The following NOL4 variants were observed in gnomAD, a reference collection of about 807,000 sequenced individuals.
The protein encoded by NOL4 is nucleolar protein 4.
Under a neutral mutation model 75.9 loss-of-function variants are expected in NOL4, and 17 were observed. The ratio of observed to expected loss-of-function variants is 0.22; its 90% CI spans 0.15 to 0.34. The LOEUF (loss-of-function observed/expected upper bound fraction) is 0.34, where lower values mean the gene tolerates loss of function less well. Among genes scored for constraint, NOL4 ranks in the 10% least tolerant of loss-of-function variants. The pLI is 1.00. For synonymous variants in NOL4, 292 were observed against 289.9 expected (o/e 1.01, Z -0.07); for missense variants, 614 against 793.5 (o/e 0.77, Z 2.72).
At chr18:34,111,818 T>TA (rs954286929) in intron 2 of NOL4, among the ~76,000 whole-genome samples, 2 of 151,982 alleles carry the variant, frequency 1.3e-5, no homozygotes, top group Admixed American at 6.5e-5. Context: ...ATCGCTATTA[T>TA]AAAAAAGTCA....
chr18:34,210,679 G>C (rs974007711), intron 1 of NOL4, among the ~76,000 whole-genome samples: 2 of 152,168 alleles, frequency 1.3e-5, no homozygotes, highest in Non-Finnish European at 2.9e-5. Flanking sequence ...TTTCAAGCAA[G>C]TTACAGTCTG....
chr18:33,913,237 C>T (rs1403707300), intron 9 of NOL4, among the ~76,000 whole-genome samples: 1 of 152,136 alleles, frequency 6.6e-6, no homozygotes, highest in Non-Finnish European at 1.5e-5. Context: ...TTCCCCTTCC[C>T]TCTTCATATC....
intron 6 of NOL4, among the ~76,000 whole-genome samples, chr18:33,998,433 A>G (rs1445499891): frequency 6.6e-6 from 1 of 152,016 alleles, no homozygotes; most frequent in African/African-American, 2.4e-5. Context: ...ATACCTTTTG[A>G]GGTCAGGAAT....
At chr18:34,182,567 T>G (rs2034126667) in intron 1 of NOL4, among the ~76,000 whole-genome samples, 1 of 151,708 alleles carries the variant, frequency 6.6e-6, no homozygotes, top group African/African-American at 2.4e-5. Context: ...TAAATTACAT[T>G]AATAAAAATC....
At chr18:34,093,740 T>A in intron 4 of NOL4, 143 bp from the exon 5 acceptor site, 1 of 626,970 alleles carries the variant, frequency 1.6e-6, no homozygotes, top group Non-Finnish European at 2.5e-6. Context: ...TAATAGATGT[T>A]TAAAATAGCA....
In NOL4 at chr18:34,063,818, C is replaced by T. The variant is rs369431291; in HGVS notation, c.772+29647G>A. 4.0e-5 allele frequency among the ~76,000 whole-genome samples: 6 copies of T among 151,884 alleles called. No individual in the cohort carries two copies. In the East Asian group the frequency reaches 1.2e-3, roughly 29 times the overall value. ...TAATTAATAAATATATAAACTATAT[C>T]AGTAGTATATCACTGAATATTACAT... On this transcript the variant is annotated intron_variant, in intron 5 of 10. Coordinates refer to ENST00000261592, the MANE Select transcript of NOL4 (RefSeq NM_003787.5).
At chr18:33,969,935 C>T (rs1314045051) in intron 6 of NOL4, among the ~76,000 whole-genome samples, 1 of 152,066 alleles carries the variant, frequency 6.6e-6, no homozygotes, top group Non-Finnish European at 1.5e-5. Flanking sequence ...TTATTTTAAG[C>T]CTTGTTTTTC....
intron 1 of NOL4, among the ~76,000 whole-genome samples, chr18:34,214,901 G>A (rs1331367642): frequency 6.6e-6 from 1 of 152,124 alleles, no homozygotes; most frequent in Non-Finnish European, 1.5e-5. Flanking sequence ...CTAGTAAAAT[G>A]AGTCAGTTAT....
chr18:34,120,052 C>T (rs2080066633), intron 2 of NOL4, among the ~76,000 whole-genome samples: 1 of 152,196 alleles, frequency 6.6e-6, no homozygotes, highest in South Asian at 2.1e-4. Flanking sequence ...TCAAATATAA[C>T]TGGTTATCCT....
At chr18:34,189,755 T>C (rs1416344524) in intron 1 of NOL4, among the ~76,000 whole-genome samples, 1 of 151,540 alleles carries the variant, frequency 6.6e-6, no homozygotes, top group Middle Eastern at 3.2e-3. Context: ...ATATGTACTT[T>C]ATTTTGAGTC....
intron 1 of NOL4, among the ~76,000 whole-genome samples, chr18:34,162,642 T>A (rs543031161): frequency 6.6e-6 from 1 of 151,908 alleles, no homozygotes; most frequent in African/African-American, 2.4e-5. Flanking sequence ...GATTCACAGC[T>A]GAATTCTACC....
chr18:34,005,932 A>G (rs2074004891), intron 6 of NOL4, among the ~76,000 whole-genome samples: 1 of 151,942 alleles, frequency 6.6e-6, no homozygotes, highest in African/African-American at 2.4e-5. Flanking sequence ...AATTTCTCTC[A>G]TGAAAGTGAT....
intron 6 of NOL4, among the ~76,000 whole-genome samples, chr18:33,966,600 A>C (rs1445327293): frequency 6.6e-6 from 1 of 152,212 alleles, no homozygotes; most frequent in Non-Finnish European, 1.5e-5. Flanking sequence ...GTGAAGTTTT[A>C]GGATACAAAA....
At chr18:34,154,031 C>G (rs149212734) in intron 1 of NOL4, among the ~76,000 whole-genome samples, 1 of 151,932 alleles carries the variant, frequency 6.6e-6, no homozygotes, top group African/African-American at 2.4e-5. Context: ...AGGAGTCAGA[C>G]ATGTGTCCAG....
At chr18:34,019,688 T>A (rs1383582265) in intron 5 of NOL4, 87 bp from the exon 6 acceptor site, 13 of 1,171,372 alleles carry the variant, frequency 1.1e-5, no homozygotes, top group Non-Finnish European at 1.6e-5. Flanking sequence ...GCTCCCATTA[T>A]ATGAATGGCA....
chr18:34,111,100 T>A (rs1013519735), intron 2 of NOL4, among the ~76,000 whole-genome samples: 2 of 152,106 alleles, frequency 1.3e-5, no homozygotes, highest in Non-Finnish European at 2.9e-5. Flanking sequence ...GATAACCAAA[T>A]GTGGAAGAAA....
At chr18:34,182,487 T>C (rs1376668686) in intron 1 of NOL4, among the ~76,000 whole-genome samples, 1 of 151,702 alleles carries the variant, frequency 6.6e-6, no homozygotes, top group East Asian at 1.9e-4. Flanking sequence ...GTGGTGATGG[T>C]TGCACAGCCT....
At chr18:34,074,066 A>T (rs532703385) in intron 5 of NOL4, among the ~76,000 whole-genome samples, 1 of 152,030 alleles carries the variant, frequency 6.6e-6, no homozygotes, top group South Asian at 2.1e-4. Context: ...AAGAGGAAAC[A>T]GCTAAAATAT....
At chr18:34,051,053 A>G (rs1250693074) in intron 5 of NOL4, among the ~76,000 whole-genome samples, 1 of 152,018 alleles carries the variant, frequency 6.6e-6, no homozygotes, top group Non-Finnish European at 1.5e-5. Context: ...GAGTATCTTT[A>G]TGAGAATTCA....
Sources: allele counts gnomAD v4.1 joint callset (sites outside exome capture counted in the v4.1 genomes callset), GRCh38; gene constraint gnomAD v4.1.1; transcripts MANE v1.5; gene names NCBI Gene and HGNC (gene_info 2026-07-23, HGNC 2026-07-21).